Variants in GALNT13 observed in about 807,000 individuals in gnomAD.
GALNT13 encodes the protein polypeptide N-acetylgalactosaminyltransferase 13, also known as UDP-GalNAc:polypeptide N-acetylgalactosaminyltransferase 13.
In GALNT13, 28 loss-of-function variants were observed where a neutral mutation model predicts 64.2. The ratio of observed to expected loss-of-function variants is 0.44; its 90% confidence interval spans 0.32 to 0.60. The LOEUF (loss-of-function observed/expected upper bound fraction) is 0.60. GALNT13 is among the 20% of genes least tolerant of loss of function. GALNT13 has a pLI of 0.05. For missense variants in GALNT13, 577 were observed against 669.8 expected, an observed-to-expected ratio of 0.86 and a Z score of 1.53; for synonymous variants, 214 against 224.6, an observed-to-expected ratio of 0.95 and a Z score of 0.42.
chr2:153,068,638 A>AT, the GALNT13 span, among the ~76,000 whole-genome samples: 1 of 152,090 alleles, frequency 6.6e-6, no homozygotes, highest in Non-Finnish European at 1.5e-5. Context: ...AATTATATAT[A>AT]TTTTTTATGG....
At chr2:153,373,707 A>G in the GALNT13 span, among the ~76,000 whole-genome samples, 48 of 152,310 alleles carry the variant, frequency 3.2e-4, 1 homozygote, top group South Asian at 8.9e-3. Context: ...TCTCAAAATG[A>G]AACTGCATAA....
chr2:153,794,503 G>GT, the GALNT13 span, among the ~76,000 whole-genome samples: 56 of 151,452 alleles, frequency 3.7e-4, no homozygotes, highest in African/African-American at 1.3e-3. Context: ...AGAATACACT[G>GT]TGTTTGGTCG....
At chr2:154,168,504 T>G (rs1003194964) in intron 4 of GALNT13, among the ~76,000 whole-genome samples, 12 of 151,974 alleles carry the variant, frequency 7.9e-5, no homozygotes, top group Non-Finnish European at 1.2e-4. Context: ...CCATTAGTGT[T>G]GCTACAAAGG....
At chr2:154,279,468 G>A (rs1319199989) in intron 8 of GALNT13, among the ~76,000 whole-genome samples, 1 of 152,162 alleles carries the variant, frequency 6.6e-6, no homozygotes, top group Non-Finnish European at 1.5e-5. Context: ...ATTATTTTCA[G>A]AGAAGATAGA....
chr2:153,433,255 A>G, the GALNT13 span, among the ~76,000 whole-genome samples: 2 of 152,226 alleles, frequency 1.3e-5, no homozygotes, highest in African/African-American at 2.4e-5. Flanking sequence ...AAAAAATAAG[A>G]AATTGTGGTC....
intron 4 of GALNT13, among the ~76,000 whole-genome samples, chr2:154,234,406 A>G (rs1303944819): frequency 6.6e-6 from 1 of 152,272 alleles, no homozygotes; most frequent in South Asian, 2.1e-4. Flanking sequence ...TTAGGTGATG[A>G]CAAAACTGAA....
chr2:153,093,632 A>G, the GALNT13 span, among the ~76,000 whole-genome samples: 6 of 151,988 alleles, frequency 3.9e-5, no homozygotes, highest in Non-Finnish European at 4.4e-5. Flanking sequence ...ATTGGCCAGT[A>G]GTTTTCTTTT....
chr2:154,217,447 T>C (rs1573896936), intron 4 of GALNT13, among the ~76,000 whole-genome samples: 2 of 152,146 alleles, frequency 1.3e-5, no homozygotes, highest in South Asian at 4.1e-4. Flanking sequence ...ACAACATTTT[T>C]TTAAGTTTAT....
At chr2:153,384,994 A>AT in the GALNT13 span, among the ~76,000 whole-genome samples, 1 of 151,976 alleles carries the variant, frequency 6.6e-6, no homozygotes, top group South Asian at 2.1e-4. Flanking sequence ...TTCACTACAG[A>AT]TTTTTTTTAA....
chr2:153,848,667 TAGAA>T, the GALNT13 span, among the ~76,000 whole-genome samples: 1 of 152,012 alleles, frequency 6.6e-6, no homozygotes, highest in South Asian at 2.1e-4. Context: ...TTACAGGTAA[TAGAA>T]AGATCAATGA....
chr2:153,473,679 A>T, the GALNT13 span, among the ~76,000 whole-genome samples: 1 of 152,196 alleles, frequency 6.6e-6, no homozygotes, highest in Admixed American at 6.5e-5. Flanking sequence ...AGTCTTACAG[A>T]ACAAACCGAA....
chr2:154,052,840 C>T (rs1466212554), intron 3 of GALNT13, among the ~76,000 whole-genome samples: 1 of 151,668 alleles, frequency 6.6e-6, no homozygotes, highest in Non-Finnish European at 1.5e-5. Flanking sequence ...GGGTTCTCGC[C>T]ATTCTTCTGC....
intron 7 of GALNT13, among the ~76,000 whole-genome samples, chr2:154,253,872 T>G (rs969057139): frequency 6.6e-6 from 1 of 152,214 alleles, no homozygotes; most frequent in African/African-American, 2.4e-5. Flanking sequence ...TATCCATTAA[T>G]AGTCTAATAC....
At chr2:153,487,549 A>G in the GALNT13 span, among the ~76,000 whole-genome samples, 2 of 152,236 alleles carry the variant, frequency 1.3e-5, no homozygotes, top group East Asian at 1.9e-4. Context: ...TCCAGAAATT[A>G]GGGAAGCAGA....
At chr2:154,200,616 G>C (rs1399600030) in intron 4 of GALNT13, among the ~76,000 whole-genome samples, 1 of 152,162 alleles carries the variant, frequency 6.6e-6, no homozygotes, top group African/African-American at 2.4e-5. Context: ...CTGGAAGAGA[G>C]GAATGCTATG....
At chr2:153,541,856 C>T in the GALNT13 span, among the ~76,000 whole-genome samples, 1 of 152,260 alleles carries the variant, frequency 6.6e-6, no homozygotes, top group South Asian at 2.1e-4. Context: ...TATCTTTGGG[C>T]CTTCATTCTG....
intron 7 of GALNT13, among the ~76,000 whole-genome samples, chr2:154,250,847 T>C (rs1205021180): frequency 6.6e-6 from 1 of 152,010 alleles, no homozygotes; most frequent in East Asian, 1.9e-4. Flanking sequence ...AAAACACTTC[T>C]ATAAAATAAA....
the GALNT13 span, among the ~76,000 whole-genome samples, chr2:153,326,553 A>C: frequency 6.6e-6 from 1 of 152,228 alleles, no homozygotes; most frequent in Admixed American, 6.5e-5. Flanking sequence ...TATTTTACCC[A>C]TTAGTTGATG....
At chr2:153,428,570 T>C in the GALNT13 span, among the ~76,000 whole-genome samples, 32 of 152,224 alleles carry the variant, frequency 2.1e-4, no homozygotes, top group African/African-American at 7.2e-4. Context: ...TCATATGCTC[T>C]TTTAAAAATA....
Sources: gnomAD v4.1 joint callset for allele counts (sites outside exome capture counted in the v4.1 genomes callset) on GRCh38, gnomAD v4.1.1 for gene constraint, MANE v1.5 for transcripts, NCBI Gene and HGNC (gene_info 2026-07-23, HGNC 2026-07-21) for gene names.